The following TMC1 variants were observed in gnomAD, a reference collection of about 807,000 sequenced individuals.
The protein encoded by TMC1 is transmembrane channel like 1.
A neutral mutation model predicts 105.8 loss-of-function variants in TMC1; 84 were observed. The ratio of observed to expected loss-of-function variants is 0.79; its 90% CI spans 0.67 to 0.95. The LOEUF is 0.95. Among genes scored for constraint, TMC1 ranks in the 40% least tolerant of loss-of-function variants. TMC1 has a pLI of 0.00. For synonymous variants in TMC1, 315 were observed against 311.5 expected (o/e 1.01, Z -0.12); for missense variants, 817 against 914.1 (o/e 0.89, Z 1.37).
At chr9:72,806,002 C>T (rs1260972830) in intron 18 of TMC1, among the ~76,000 whole-genome samples, 6 of 152,064 alleles carry the variant, frequency 3.9e-5, no homozygotes, top group Non-Finnish European at 7.4e-5. Flanking sequence ...CCTTTCCCGC[C>T]TTTCTATTCC....
intron 4 of TMC1, among the ~76,000 whole-genome samples, chr9:72,646,627 A>G (rs1825714843): frequency 6.7e-6 from 1 of 150,030 alleles, no homozygotes; most frequent in African/African-American, 2.5e-5. Flanking sequence ...TTTTATTTTT[A>G]TTTTTTATTT....
intron 1 of TMC1, among the ~76,000 whole-genome samples, chr9:72,524,647 C>T (rs115940652): frequency 0.042 from 6,428 of 152,158 alleles, 205 homozygotes; most frequent in Middle Eastern, 0.092. Flanking sequence ...GAAAGAAAAC[C>T]GATAAACACA....
intron 3 of TMC1, among the ~76,000 whole-genome samples, chr9:72,622,226 T>C (rs1323861964): frequency 6.6e-6 from 1 of 152,148 alleles, no homozygotes; most frequent in African/African-American, 2.4e-5. Context: ...GTCACTTCTA[T>C]AGATGAACTC....
intron 5 of TMC1, among the ~76,000 whole-genome samples, chr9:72,679,591 T>G (rs55855921): frequency 0.1 from 15,678 of 152,078 alleles, 851 homozygotes; most frequent in Non-Finnish European, 0.13. Flanking sequence ...ACTGGCAGAT[T>G]TGGTGTCTGG....
chr9:72,555,043 T>A (rs780064258), intron 1 of TMC1, among the ~76,000 whole-genome samples: 9 of 151,874 alleles, frequency 5.9e-5, no homozygotes, highest in Non-Finnish European at 1.3e-4. Context: ...CATGCCTGGC[T>A]AACTTTTGTA....
intron 5 of TMC1, among the ~76,000 whole-genome samples, chr9:72,681,608 C>T (rs1826287808): frequency 6.6e-6 from 1 of 152,150 alleles, no homozygotes; most frequent in African/African-American, 2.4e-5. Context: ...ACCCACTTCA[C>T]TCAGCCTGTG....
intron 1 of TMC1, among the ~76,000 whole-genome samples, chr9:72,556,879 C>T (rs537731983): frequency 5.3e-5 from 8 of 151,998 alleles, no homozygotes; most frequent in Non-Finnish European, 8.8e-5. Context: ...GGCAATTTCA[C>T]CTCCAAGGGG....
chr9:72,821,041 A>T lies in TMC1; in HGVS notation c.1963A>T (p.Ile655Phe). Residue 655 changes from isoleucine to phenylalanine, a missense_variant, in exon 20 of 24, where the codon ATC (isoleucine) becomes TTC (phenylalanine). By Grantham distance (21) the Ile-to-Phe change is conservative. Coordinates refer to ENST00000297784, the MANE Select transcript of TMC1 (RefSeq NM_138691.3). ...GTCCACAATGCCTGTCTTGTACATG[A>T]TCGTGTCCCTCCCACCATCTTTTGA... ...FLSTMPVLYMIVSLPPSFDCG... is the reference protein window; with the variant it reads ...FLSTMPVLYMFVSLPPSFDCG... 1 of 1,614,108 alleles carries T rather than the reference A, an allele frequency of 6.2e-7. No individual in the cohort carries two copies. Among genetic ancestry groups the T allele is most frequent in the South Asian group, 1.1e-5 (1 of 91,084 alleles).
chr9:72,766,383 C>T (rs1197637181), intron 12 of TMC1, among the ~76,000 whole-genome samples: 3 of 150,110 alleles, frequency 2.0e-5, no homozygotes, highest in African/African-American at 4.9e-5. Context: ...CGCCACTGCA[C>T]TCCAGCCTGG....
intron 6 of TMC1, among the ~76,000 whole-genome samples, chr9:72,692,467 C>T (rs994101943): frequency 1.3e-5 from 2 of 152,170 alleles, no homozygotes; most frequent in African/African-American, 4.8e-5. Context: ...AGCTTATCTC[C>T]ACATTGTAGT....
At chr9:72,797,316 C>T (rs577231002) in intron 17 of TMC1, among the ~76,000 whole-genome samples, 4 of 152,270 alleles carry the variant, frequency 2.6e-5, no homozygotes, top group South Asian at 4.1e-4. Flanking sequence ...AGATTCAATG[C>T]TATTCCCATT....
intron 13 of TMC1, among the ~76,000 whole-genome samples, chr9:72,777,193 CCAGA>C (rs1188903327): frequency 6.6e-6 from 1 of 152,048 alleles, no homozygotes; most frequent in Non-Finnish European, 1.5e-5. Context: ...ACATGTTTAC[CCAGA>C]CAGTTATGAC....
At chr9:72,659,560 GA>G (rs1035225937) in intron 5 of TMC1, among the ~76,000 whole-genome samples, 9 of 152,224 alleles carry the variant, frequency 5.9e-5, no homozygotes, top group Non-Finnish European at 1.2e-4. Flanking sequence ...CTTGAACCTG[GA>G]AGGGGGAGCC....
At chr9:72,601,195 G>GAC (rs71357599) in intron 2 of TMC1, among the ~76,000 whole-genome samples, 2,053 of 93,674 alleles carry the variant, frequency 0.022, 39 homozygotes, top group African/African-American at 0.068. Flanking sequence ...CACACACACA[G>GAC]ACACACACAC....
chr9:72,676,021 A>G (rs1826196672), intron 5 of TMC1, among the ~76,000 whole-genome samples: 1 of 152,176 alleles, frequency 6.6e-6, no homozygotes, highest in African/African-American at 2.4e-5. Context: ...CAATCTGAGC[A>G]TGGACTAGAA....
At chr9:72,674,194 A>G (rs1051577962) in intron 5 of TMC1, among the ~76,000 whole-genome samples, 3 of 152,208 alleles carry the variant, frequency 2.0e-5, no homozygotes, top group Non-Finnish European at 2.9e-5. Flanking sequence ...CACTGTGAAG[A>G]TATTAATTTT....
intron 23 of TMC1, among the ~76,000 whole-genome samples, chr9:72,834,349 G>A (rs1008064056): frequency 1.1e-4 from 17 of 152,012 alleles, no homozygotes; most frequent in Middle Eastern, 3.4e-3. Context: ...CCCCTGCTTG[G>A]TAATTCCCCT....
intron 15 of TMC1, 79 bp downstream of exon 15, chr9:72,789,396 T>C (rs1478573935): frequency 7.0e-7 from 1 of 1,434,568 alleles, no homozygotes; most frequent in East Asian, 2.3e-5. Context: ...TGATGGAACA[T>C]TTAAAAAGGC....
At chr9:72,602,231 T>C (rs1298885122) in intron 2 of TMC1, among the ~76,000 whole-genome samples, 1 of 152,118 alleles carries the variant, frequency 6.6e-6, no homozygotes, top group African/African-American at 2.4e-5. Context: ...TTTAGTATAA[T>C]ATTATTACAA....
Sources: allele counts gnomAD v4.1 joint callset (sites outside exome capture counted in the v4.1 genomes callset), GRCh38; gene constraint gnomAD v4.1.1; transcripts MANE v1.5; gene names NCBI Gene and HGNC (gene_info 2026-07-23, HGNC 2026-07-21).